NRXN3: variants seen among roughly 807,000 people sequenced by gnomAD.
NRXN3 encodes the protein neurexin 3.
In NRXN3, 32 loss-of-function variants were observed where a neutral mutation model predicts 137.6. The observed-to-expected ratio is 0.23, with a 90% CI of 0.18 to 0.31. The LOEUF is 0.31. NRXN3 is among the 10% of genes least tolerant of loss of function. The probability of loss-of-function intolerance (pLI) is 1.00; values close to 1 mark genes in which losing one functional copy is unlikely to be tolerated. For synonymous variants in NRXN3, 798 were observed against 784.5 expected, an observed-to-expected ratio of 1.02 and a Z score of -0.29; for missense variants, 1,574 against 2,062.5, an observed-to-expected ratio of 0.76 and a Z score of 4.59.
At chr14:79,769,168 G>A (rs61992365) in intron 19 of NRXN3, among the ~76,000 whole-genome samples, 50,902 of 139,436 alleles carry the variant, frequency 0.37, 10,349 homozygotes, top group Middle Eastern at 0.46. Context: ...GAAAGTGACC[G>A]GGAGAATGGA....
intron 7 of NRXN3, 93 bp from the exon 8 acceptor site, chr14:78,714,663 A>C: frequency 7.2e-7 from 1 of 1,390,896 alleles, no homozygotes; most frequent in Non-Finnish European, 1.0e-6. Context: ...TCTCCTGGCC[A>C]GCCAATGGCT....
chr14:78,489,459 G>A (rs190395219), intron 4 of NRXN3, among the ~76,000 whole-genome samples: 1 of 152,210 alleles, frequency 6.6e-6, no homozygotes, highest in East Asian at 1.9e-4. Flanking sequence ...GAATGGGAAA[G>A]TATGTTGTAT....
At chr14:78,867,018 C>T (rs1323972181) in intron 10 of NRXN3, among the ~76,000 whole-genome samples, 6 of 152,126 alleles carry the variant, frequency 3.9e-5, no homozygotes, top group African/African-American at 1.2e-4. Flanking sequence ...AGGATGGTCT[C>T]GATCTCTTGA....
At chr14:78,518,721 T>C (rs1434112695) in intron 4 of NRXN3, among the ~76,000 whole-genome samples, 1 of 152,184 alleles carries the variant, frequency 6.6e-6, no homozygotes. Context: ...TCTTCTGCTA[T>C]AAAATGGTGA....
intron 10 of NRXN3, among the ~76,000 whole-genome samples, chr14:78,832,656 C>T (rs773456366): frequency 1.3e-5 from 2 of 152,062 alleles, no homozygotes; most frequent in Non-Finnish European, 2.9e-5. Context: ...AGGCAGGCAC[C>T]ATTGTAAGCA....
chr14:79,542,639 T>C (rs1253849271), intron 16 of NRXN3, among the ~76,000 whole-genome samples: 1 of 152,170 alleles, frequency 6.6e-6, no homozygotes, highest in Non-Finnish European at 1.5e-5. Flanking sequence ...CTTTTTAAGC[T>C]TTCTCCCTCC....
Position 79,109,905 on chromosome 14 carries a change from T to A in NRXN3, c.3262+121764T>A, listed in dbSNP as rs561930235. Among the ~76,000 whole-genome samples the A allele has an allele frequency of 3.3e-5, 5 of 152,024 alleles. No individual in the cohort carries two copies. In the East Asian group the frequency reaches 5.8e-4, roughly 18 times the overall value. On this transcript the variant is annotated intron_variant, in intron 15 of 20. Transcript: ENST00000335750. Reference sequence around the variant, plus strand: ...AGGCTGTAGTTTTCTATTTAAAAAATAATAATAATAAGGTATAAAAAGTTA... The same window carrying A: ...AGGCTGTAGTTTTCTATTTAAAAAAAAATAATAATAAGGTATAAAAAGTTA...
intron 1 of NRXN3, among the ~76,000 whole-genome samples, chr14:78,186,571 A>G (rs374045655): frequency 1.3e-5 from 2 of 152,152 alleles, no homozygotes; most frequent in Non-Finnish European, 2.9e-5. Context: ...TGCGCTCTGG[A>G]CTATGTTTGG....
At chr14:79,064,678 T>G (rs2099678461) in intron 15 of NRXN3, among the ~76,000 whole-genome samples, 1 of 148,800 alleles carries the variant, frequency 6.7e-6, no homozygotes, top group Non-Finnish European at 1.5e-5. Context: ...TTATATAAAA[T>G]TATTTATACA....
chr14:79,495,183 C>A (rs898624455), intron 16 of NRXN3, among the ~76,000 whole-genome samples: 1 of 152,164 alleles, frequency 6.6e-6, no homozygotes, highest in Non-Finnish European at 1.5e-5. Flanking sequence ...CGCAGGCCAC[C>A]AAGGCCAGCC....
At chr14:78,909,795 G>A (rs975368761) in intron 10 of NRXN3, among the ~76,000 whole-genome samples, 16 of 152,018 alleles carry the variant, frequency 1.1e-4, no homozygotes, top group African/African-American at 3.9e-4. Flanking sequence ...AACAAAGTGT[G>A]TATTTTTAAT....
intron 8 of NRXN3, among the ~76,000 whole-genome samples, chr14:78,801,743 A>G (rs1021754133): frequency 2.6e-5 from 4 of 152,166 alleles, no homozygotes; most frequent in Non-Finnish European, 5.9e-5. Flanking sequence ...GTCTATAGAG[A>G]TACTACCTGA....
intron 14 of NRXN3, among the ~76,000 whole-genome samples, chr14:78,970,245 C>T (rs1368663517): frequency 6.6e-6 from 1 of 151,926 alleles, no homozygotes; most frequent in Non-Finnish European, 1.5e-5. Context: ...ATATATGTAA[C>T]ACATGCAATT....
At chr14:78,552,924 T>G (rs906270228) in intron 4 of NRXN3, among the ~76,000 whole-genome samples, 2 of 152,206 alleles carry the variant, frequency 1.3e-5, no homozygotes, top group Non-Finnish European at 2.9e-5. Context: ...AGTATACTGA[T>G]TTGACCTTTA....
chr14:79,456,054 C>G (rs1325527391), intron 15 of NRXN3, among the ~76,000 whole-genome samples: 1 of 151,978 alleles, frequency 6.6e-6, no homozygotes, highest in Non-Finnish European at 1.5e-5. Context: ...CATTAATACT[C>G]TAATTATTAG....
At chr14:79,060,378 T>C (rs2099672678) in intron 15 of NRXN3, among the ~76,000 whole-genome samples, 1 of 152,244 alleles carries the variant, frequency 6.6e-6, no homozygotes, top group Admixed American at 6.5e-5. Context: ...TCTATACTTA[T>C]ATCTGCAGCT....
chr14:78,494,426 G>GTTTTTTTT, intron 4 of NRXN3, among the ~76,000 whole-genome samples: 1 of 135,030 alleles, frequency 7.4e-6, no homozygotes, highest in African/African-American at 2.8e-5. Context: ...GAGGTGTTTT[G>GTTTTTTTT]TTTTTTTTTT....
chr14:78,318,627 C>T (rs1003283827), intron 4 of NRXN3, among the ~76,000 whole-genome samples: 3 of 152,184 alleles, frequency 2.0e-5, no homozygotes, highest in East Asian at 1.9e-4. Flanking sequence ...ACATCCCCCC[C>T]GATTCCCCCA....
At chr14:79,818,661 C>A (rs1361463199) in intron 20 of NRXN3, among the ~76,000 whole-genome samples, 1 of 152,160 alleles carries the variant, frequency 6.6e-6, no homozygotes, top group African/African-American at 2.4e-5. Flanking sequence ...ATTTGTTTAT[C>A]CTCCCTTTTT....
Sources: gnomAD v4.1 joint callset for allele counts (sites outside exome capture counted in the v4.1 genomes callset) on GRCh38, gnomAD v4.1.1 for gene constraint, MANE v1.5 for transcripts, NCBI Gene and HGNC (gene_info 2026-07-23, HGNC 2026-07-21) for gene names.